The following DEFB134 variants were observed in gnomAD, a reference collection of about 807,000 sequenced individuals.
DEFB134 encodes the protein beta-defensin 134.
DEFB134 carries 7 observed loss-of-function variants against 7.4 expected under a neutral mutation model. That is an observed-to-expected ratio of 0.95 (90% CI 0.54 to 1.79). The LOEUF is 1.79. Among genes scored for constraint, DEFB134 ranks in the 40% most tolerant of loss-of-function variants. DEFB134 has a pLI of 0.00. For missense variants in DEFB134, 105 were observed against 74.8 expected (o/e 1.40, Z -1.49); for synonymous variants, 33 against 25.0 (o/e 1.32, Z -0.96).
rs138769189 is a variant in DEFB134, at chr8:11,993,915, T to C, written c.*65A>G. The C allele has an allele frequency of 7.1e-5, 111 of 1,570,362 alleles. No individual in the cohort carries two copies. In the East Asian group the frequency reaches 2.5e-3, roughly 35 times the overall value. ...GTGTCACAGTTTGATCTAAATTCCC[T>C]GGTTTTGTGAAAGATGGCAGAATCA... On this transcript the variant is annotated 3_prime_UTR_variant, in exon 2 of 2. Coordinates refer to ENST00000526438, the Ensembl canonical transcript of DEFB134.
chr8:11,997,086 CCTCTCAGT>C (rs1489565033), upstream of DEFB134, among the ~76,000 whole-genome samples: 1 of 152,120 alleles, frequency 6.6e-6, no homozygotes, highest in African/African-American at 2.4e-5. Context: ...TTCTCTTTCA[CCTCTCAGT>C]CTAAAGGCCA....
upstream of DEFB134, among the ~76,000 whole-genome samples, chr8:11,998,460 AT>A (rs963172006): frequency 2.1e-5 from 3 of 143,328 alleles, no homozygotes; most frequent in South Asian, 2.3e-4. Context: ...TAAAAAAAAA[AT>A]AAAAAAAATA....
exon 2 of DEFB134, chr8:11,994,071 A>C (rs773283354): frequency 6.2e-7 from 1 of 1,613,806 alleles, no homozygotes; most frequent in Non-Finnish European, 8.5e-7. Flanking sequence ...AAGTCTGCAG[A>C]TGCCATTTTT....
chr8:11,997,691 C>T (rs1301826438), upstream of DEFB134, among the ~76,000 whole-genome samples: 6 of 152,146 alleles, frequency 3.9e-5, no homozygotes, highest in Non-Finnish European at 1.5e-5. Flanking sequence ...TATATATGCA[C>T]CCAATATTGG....
At chr8:12,000,077 A>T (rs1444397234), upstream of DEFB134, among the ~76,000 whole-genome samples, 1 of 152,214 alleles carries the variant, frequency 6.6e-6, no homozygotes, top group Non-Finnish European at 1.5e-5. Context: ...TCTGACCCTG[A>T]GCCATACAGA....
exon 2 of DEFB134, chr8:11,993,847 G>T: frequency 2.5e-6 from 3 of 1,203,476 alleles, no homozygotes; most frequent in Non-Finnish European, 3.4e-6. Context: ...GAGTCTGCTG[G>T]CCTATAAAAA....
chr8:11,993,884 A>G, exon 2 of DEFB134: 1 of 1,506,056 alleles, frequency 6.6e-7, no homozygotes, highest in South Asian at 1.3e-5. Flanking sequence ...TCATGGACAC[A>G]TCATGGTGTC....
upstream of DEFB134, among the ~76,000 whole-genome samples, chr8:11,997,379 T>A (rs7459547): frequency 6.4e-4 from 98 of 152,114 alleles, no homozygotes; most frequent in East Asian, 0.018. Flanking sequence ...CTATGGACAT[T>A]CATGTACAAG....
exon 2 of DEFB134, chr8:11,993,877 T>A: frequency 6.8e-7 from 1 of 1,472,628 alleles, no homozygotes; most frequent in Non-Finnish European, 9.1e-7. Context: ...CCAGTAGTCA[T>A]GGACACATCA....
At chr8:11,997,417 T>C (rs1467032047), upstream of DEFB134, among the ~76,000 whole-genome samples, 1 of 152,260 alleles carries the variant, frequency 6.6e-6, no homozygotes, top group Non-Finnish European at 1.5e-5. Context: ...GCTTTCATTT[T>C]TCTTTTGCAA....
chr8:11,993,888 T>C, exon 2 of DEFB134: 8 of 1,512,554 alleles, frequency 5.3e-6, no homozygotes, highest in Non-Finnish European at 6.2e-6. Flanking sequence ...GGACACATCA[T>C]GGTGTCACAG....
chr8:11,996,893 A>G (rs1258993203), upstream of DEFB134, among the ~76,000 whole-genome samples: 1 of 152,234 alleles, frequency 6.6e-6, no homozygotes, highest in African/African-American at 2.4e-5. Context: ...AATTGTTACT[A>G]TTTAAAAAAA....
rs191915070 is a variant in DEFB134 at position 11,995,224 on chromosome 8, T to C, written c.58+970A>G. ...GAATTGAAGGGAATATTGTACACTA[T>C]ATGGGGTTCTTTGTCTGGAGGCCAC... On this transcript the variant is annotated intron_variant, in intron 1 of 1. Coordinates refer to ENST00000526438, the Ensembl canonical transcript of DEFB134. 1.4e-4 allele frequency among the ~76,000 whole-genome samples: 22 copies of C among 152,346 alleles called. No individual in the cohort carries two copies. In the East Asian group the frequency reaches 3.9e-3, roughly 27 times the overall value.
upstream of DEFB134, among the ~76,000 whole-genome samples, chr8:11,998,252 C>T (rs1283633791): frequency 6.6e-6 from 1 of 151,760 alleles, no homozygotes; most frequent in Non-Finnish European, 1.5e-5. Flanking sequence ...AGTTTAAGGC[C>T]ACCTTGTGCA....
chr8:11,996,163 A>G (rs1482375386), intron 1 of DEFB134, 31 bp downstream of exon 2: 4 of 1,612,408 alleles, frequency 2.5e-6, no homozygotes, highest in Non-Finnish European at 2.5e-6. Context: ...TATATGAAGC[A>G]CCCCTACCCC....
chr8:11,997,431 T>A (rs1215353914), upstream of DEFB134, among the ~76,000 whole-genome samples: 1 of 152,206 alleles, frequency 6.6e-6, no homozygotes, highest in East Asian at 1.9e-4. Context: ...TTTGCAAATA[T>A]TCAGGAGTAG....
chr8:11,999,973 A>T (rs1429836205), upstream of DEFB134, among the ~76,000 whole-genome samples: 1 of 151,958 alleles, frequency 6.6e-6, no homozygotes, highest in Admixed American at 6.6e-5. Flanking sequence ...TGGGTTTGGT[A>T]TTTCTTTAGG....
At chr8:11,994,571 G>A (rs1452208857) in intron 1 of DEFB134, among the ~76,000 whole-genome samples, 1 of 152,190 alleles carries the variant, frequency 6.6e-6, no homozygotes, top group Non-Finnish European at 1.5e-5. Context: ...GTTTGTCTAA[G>A]CCACAGTGTG....
At chr8:11,994,253 AAATT>A in intron 1 of DEFB134, 131 bp from the exon 3 acceptor site, 1 of 1,153,604 alleles carries the variant, frequency 8.7e-7, no homozygotes, top group Non-Finnish European at 1.2e-6. Context: ...GTAACTGAAA[AAATT>A]AATTAGTGGT....
Sources: allele counts gnomAD v4.1 joint callset (sites outside exome capture counted in the v4.1 genomes callset), GRCh38; gene constraint gnomAD v4.1.1; transcripts MANE v1.5; gene names NCBI Gene and HGNC (gene_info 2026-07-23, HGNC 2026-07-21).